The following CAMTA1 variants were observed in gnomAD, a reference collection of about 807,000 sequenced individuals.
CAMTA1 encodes the protein calmodulin binding transcription activator 1.
In CAMTA1, 27 loss-of-function variants were observed where a neutral mutation model predicts 170.9. That is an observed-to-expected ratio of 0.16 (90% CI 0.12 to 0.22). The LOEUF is 0.22. CAMTA1 is among the 10% of genes least tolerant of loss of function. CAMTA1 has a pLI of 1.00. For missense variants in CAMTA1, 1,619 were observed against 2,217.2 expected (o/e 0.73, Z 5.42); for synonymous variants, 833 against 891.5 (o/e 0.93, Z 1.17).
At chr1:7,066,926 A>T (rs1365913413) in intron 3 of CAMTA1, among the ~76,000 whole-genome samples, 2 of 152,230 alleles carry the variant, frequency 1.3e-5, no homozygotes, top group African/African-American at 4.8e-5. Context: ...GCTATTTTAC[A>T]TTGGCTTGAT....
intron 4 of CAMTA1, among the ~76,000 whole-genome samples, chr1:7,116,641 C>G (rs1289033236): frequency 2.7e-5 from 4 of 148,804 alleles, no homozygotes; most frequent in Non-Finnish European, 5.9e-5. Flanking sequence ...ACTTAGTTTT[C>G]TTTTCTTTCT....
In CAMTA1 at chr1:6,970,676, CA is replaced by C. The variant is rs766541262; in HGVS notation, c.235-120627del. 1.4e-4 allele frequency among the ~76,000 whole-genome samples: 21 copies of C among 152,170 alleles called. No individual in the cohort carries two copies. The highest frequency in any genetic ancestry group is 7.4e-5 in the Non-Finnish European group (5 of 68,024). On this transcript the variant is annotated intron_variant, in intron 3 of 22. Transcript: ENST00000303635. The surrounding 1 kb of genome is among the most constrained non-coding windows in gnomAD (Gnocchi z 4.4). ...GTGATCGATGTGCATATCAGAAGCACAGGGGGCTACTAGAGCACCTGTTCAG... is the reference window on the plus strand; with the variant it reads ...GTGATCGATGTGCATATCAGAAGCACGGGGGCTACTAGAGCACCTGTTCAG...
At chr1:7,082,071 A>C (rs927161688) in intron 3 of CAMTA1, among the ~76,000 whole-genome samples, 1 of 152,128 alleles carries the variant, frequency 6.6e-6, no homozygotes, top group Admixed American at 6.5e-5. Flanking sequence ...TATTGCCTCT[A>C]TCCTGGGCTG....
chr1:6,805,917 A>G (rs1225022315), intron 1 of CAMTA1, among the ~76,000 whole-genome samples: 1 of 151,370 alleles, frequency 6.6e-6, no homozygotes. Flanking sequence ...TTTTGGTATC[A>G]TAATAAGAAA....
chr1:7,319,197 A>C (rs757914033), intron 5 of CAMTA1, among the ~76,000 whole-genome samples: 1 of 152,266 alleles, frequency 6.6e-6, no homozygotes, highest in African/African-American at 2.4e-5. Flanking sequence ...TGGCATTTAC[A>C]TGGAGATCTG....
At chr1:7,062,498 C>T (rs1219161017) in intron 3 of CAMTA1, among the ~76,000 whole-genome samples, 1 of 152,146 alleles carries the variant, frequency 6.6e-6, no homozygotes, top group Non-Finnish European at 1.5e-5. Flanking sequence ...AAGAAGGTTG[C>T]ACAATGGCTG....
chr1:7,711,777 C>T (rs890868652), intron 11 of CAMTA1, among the ~76,000 whole-genome samples: 11 of 152,080 alleles, frequency 7.2e-5, no homozygotes, highest in Non-Finnish European at 1.2e-4. Context: ...GCCCCTGGCG[C>T]GCGTGTGTAA....
chr1:7,445,114 G>C (rs985002549), intron 5 of CAMTA1, among the ~76,000 whole-genome samples: 1 of 151,878 alleles, frequency 6.6e-6, no homozygotes, highest in African/African-American at 2.4e-5. Context: ...GTGCCTCAAG[G>C]GGAGGTGATG....
intron 5 of CAMTA1, among the ~76,000 whole-genome samples, chr1:7,419,876 C>T (rs898143470): frequency 2.0e-5 from 3 of 152,152 alleles, no homozygotes; most frequent in African/African-American, 7.2e-5. Flanking sequence ...CCTGCGGGCT[C>T]TTCCTTCAGA....
chr1:6,812,294 AG>A (rs1417592631), intron 1 of CAMTA1, among the ~76,000 whole-genome samples: 1 of 152,200 alleles, frequency 6.6e-6, no homozygotes, highest in Non-Finnish European at 1.5e-5. Flanking sequence ...GCCTTTGCCC[AG>A]TGCCTTGTTA....
intron 7 of CAMTA1, among the ~76,000 whole-genome samples, chr1:7,652,885 C>T (rs560939398): frequency 4.6e-5 from 7 of 152,204 alleles, no homozygotes; most frequent in African/African-American, 1.2e-4. Flanking sequence ...CTCCTCACCC[C>T]CTACGCACCT....
intron 3 of CAMTA1, among the ~76,000 whole-genome samples, chr1:7,013,820 G>A (rs1700158950): frequency 6.6e-6 from 1 of 152,184 alleles, no homozygotes; most frequent in Non-Finnish European, 1.5e-5. Flanking sequence ...TTCCCTTCCT[G>A]TCTTGCCTCC....
chr1:7,549,619 A>G (rs748752954), intron 6 of CAMTA1, among the ~76,000 whole-genome samples: 1 of 152,170 alleles, frequency 6.6e-6, no homozygotes, highest in African/African-American at 2.4e-5. Flanking sequence ...TCATCTCACA[A>G]ATATTTTTAA....
At chr1:7,661,038 G>A (rs2095951879) in intron 7 of CAMTA1, among the ~76,000 whole-genome samples, 1 of 152,240 alleles carries the variant, frequency 6.6e-6, no homozygotes, top group Admixed American at 6.5e-5. Context: ...AAAGTGCAGG[G>A]AGGAAGGTTG....
At chr1:6,891,793 AAAAT>A (rs1674548850) in intron 3 of CAMTA1, among the ~76,000 whole-genome samples, 2 of 152,368 alleles carry the variant, frequency 1.3e-5, no homozygotes, top group South Asian at 4.2e-4. Flanking sequence ...GTATATGAAA[AAAAT>A]AGTAGCAGCT....
chr1:7,752,375 A>C, intron 20 of CAMTA1, 84 bp from the exon 21 acceptor site: 7 of 1,137,144 alleles, frequency 6.2e-6, no homozygotes, highest in Non-Finnish European at 9.3e-6. Flanking sequence ...TGCTTAATTC[A>C]GAGTCCTCTG....
chr1:7,708,999 C>T (rs187359904), intron 11 of CAMTA1, among the ~76,000 whole-genome samples: 1 of 152,276 alleles, frequency 6.6e-6, no homozygotes, highest in Admixed American at 6.5e-5. Flanking sequence ...CATCATGTTT[C>T]ACTCTCCAGC....
At chr1:7,654,717 AC>A (rs1266168657) in intron 7 of CAMTA1, among the ~76,000 whole-genome samples, 1 of 144,968 alleles carries the variant, frequency 6.9e-6, no homozygotes, top group African/African-American at 2.6e-5. Context: ...AAACACACCC[AC>A]CTATACACAC....
intron 4 of CAMTA1, among the ~76,000 whole-genome samples, chr1:7,117,291 C>T (rs2148427385): frequency 6.6e-6 from 1 of 152,258 alleles, no homozygotes; most frequent in Non-Finnish European, 1.5e-5. Context: ...TTTATACTCA[C>T]ATTTCACTAT....
Sources: gnomAD v4.1 joint callset for allele counts (sites outside exome capture counted in the v4.1 genomes callset) on GRCh38, gnomAD v4.1.1 for gene constraint, Gnocchi (gnomAD v3.1) non-coding constraint, MANE v1.5 for transcripts, NCBI Gene and HGNC (gene_info 2026-07-23, HGNC 2026-07-21) for gene names.